ROBO1: variants seen among roughly 807,000 people sequenced by gnomAD.
The protein encoded by ROBO1 is roundabout homolog 1.
Under a neutral mutation model 195.9 loss-of-function variants are expected in ROBO1, and 149 were observed. The ratio of observed to expected loss-of-function variants is 0.76; its 90% confidence interval spans 0.67 to 0.87. The LOEUF (loss-of-function observed/expected upper bound fraction) is 0.87. ROBO1 is among the 40% of genes least tolerant of loss of function. The probability of loss-of-function intolerance (pLI) is 0.00; values close to 1 mark genes in which losing one functional copy is unlikely to be tolerated. For missense variants in ROBO1, 1,933 were observed against 2,068.3 expected, an observed-to-expected ratio of 0.93 and a Z score of 1.27; for synonymous variants, 816 against 733.2, an observed-to-expected ratio of 1.11 and a Z score of -1.82.
intron 2 of ROBO1, among the ~76,000 whole-genome samples, chr3:79,495,255 T>C (rs993036990): frequency 1.4e-4 from 22 of 152,130 alleles, no homozygotes; most frequent in Non-Finnish European, 1.2e-4. Context: ...CCTATCAGAA[T>C]TCTCCAGAGT....
At chr3:78,994,343 A>C (rs1303101003) in intron 3 of ROBO1, among the ~76,000 whole-genome samples, 1 of 152,150 alleles carries the variant, frequency 6.6e-6, no homozygotes, top group Non-Finnish European at 1.5e-5. Context: ...TTTTGGGGGA[A>C]GCTGGAGCTA....
rs1288732027 is a variant in ROBO1 at position 79,297,669 on chromosome 3, CA to C, written c.89-172131del. Among the ~76,000 whole-genome samples, 21 of 152,204 alleles carry C rather than the reference CA, an allele frequency of 1.4e-4. No individual in the cohort carries two copies. In the East Asian group the frequency reaches 3.9e-3, roughly 28 times the overall value. On this transcript the variant is annotated intron_variant, in intron 2 of 30. Transcript: ENST00000464233. Reference sequence around the variant, plus strand: ...ATGAAAAATGGATGCTTCGTGTAAACAAAATACCATTTCTCCAAACTGTAAA... The same window carrying C: ...ATGAAAAATGGATGCTTCGTGTAAACAAATACCATTTCTCCAAACTGTAAA...
At chr3:79,512,479 G>A (rs1940758946) in intron 2 of ROBO1, among the ~76,000 whole-genome samples, 1 of 152,096 alleles carries the variant, frequency 6.6e-6, no homozygotes, top group Non-Finnish European at 1.5e-5. Flanking sequence ...AACTCGTTAC[G>A]TGCTGTGCAA....
intron 2 of ROBO1, among the ~76,000 whole-genome samples, chr3:79,393,579 A>G (rs748873234): frequency 5.3e-5 from 8 of 152,172 alleles, no homozygotes; most frequent in Non-Finnish European, 1.2e-4. Flanking sequence ...ATTTTTGAGA[A>G]TGGGTGAAGA....
intron 5 of ROBO1, among the ~76,000 whole-genome samples, chr3:78,721,716 T>C (rs1164506422): frequency 6.6e-6 from 1 of 152,152 alleles, no homozygotes; most frequent in Non-Finnish European, 1.5e-5. Context: ...TAATAACATA[T>C]AAATAATTTG....
At chr3:78,810,712 C>T (rs2084711123) in intron 4 of ROBO1, among the ~76,000 whole-genome samples, 1 of 151,908 alleles carries the variant, frequency 6.6e-6, no homozygotes, top group Admixed American at 6.6e-5. Flanking sequence ...TTCACACTAT[C>T]CTAGTCAATT....
At chr3:78,701,199 T>C (rs1022881047) in intron 8 of ROBO1, among the ~76,000 whole-genome samples, 17 of 152,242 alleles carry the variant, frequency 1.1e-4, no homozygotes, top group African/African-American at 4.1e-4. Context: ...CTAAACAAAA[T>C]GACTTTTAAC....
rs544428213 is a variant in ROBO1 at position 78,830,142 on chromosome 3, CA to C, written c.500-83243del. 1.2e-3 allele frequency among the ~76,000 whole-genome samples: 185 copies of C among 152,254 alleles called. 1 individual carries two copies. Among genetic ancestry groups the C allele is most frequent in the African/African-American group, 4.3e-3 (180 of 41,558 alleles). On this transcript the variant is annotated intron_variant, in intron 4 of 30. Coordinates refer to ENST00000464233, the MANE Select transcript of ROBO1 (RefSeq NM_002941.4). Reference sequence around the variant, plus strand: ...GGCTAGAGACAAAAGCTCAGTCATGCAGCCAGTCTCGTTTTTCTTTCTATGT... The same window carrying C: ...GGCTAGAGACAAAAGCTCAGTCATGCGCCAGTCTCGTTTTTCTTTCTATGT...
chr3:79,040,283 T>C (rs748546550), intron 3 of ROBO1, among the ~76,000 whole-genome samples: 7 of 152,214 alleles, frequency 4.6e-5, no homozygotes, highest in African/African-American at 1.2e-4. Flanking sequence ...TAGTTCAAAA[T>C]GTGCTTTGTC....
intron 3 of ROBO1, among the ~76,000 whole-genome samples, chr3:79,089,114 A>T (rs1245274175): frequency 6.6e-6 from 1 of 152,168 alleles, no homozygotes; most frequent in Non-Finnish European, 1.5e-5. Flanking sequence ...TTAACAAAAG[A>T]AAATACATCT....
Position 79,325,551 on chromosome 3 carries a change from G to C in ROBO1, c.89-200012C>G, listed in dbSNP as rs545758171. On this transcript the variant is annotated intron_variant, in intron 2 of 30. Coordinates refer to ENST00000464233, the MANE Select transcript of ROBO1 (RefSeq NM_002941.4). ...GGAAGTCAGGGACCCCAAACGGAGG[G>C]ACCGGCTGAAGCCATGGCAGAAGAA... Among the ~76,000 whole-genome samples the C allele has an allele frequency of 2.0e-5, 3 of 152,316 alleles. No homozygotes were observed. The East Asian group carries it at 5.8e-4, about 29-fold the overall frequency.
chr3:78,962,736 A>C (rs1264573209), intron 3 of ROBO1, among the ~76,000 whole-genome samples: 3 of 142,154 alleles, frequency 2.1e-5, no homozygotes, highest in African/African-American at 7.8e-5. Context: ...AGGCAGGACA[A>C]TGGTGTGAAC....
intron 2 of ROBO1, among the ~76,000 whole-genome samples, chr3:79,420,145 G>T (rs1370330936): frequency 5.3e-5 from 8 of 152,028 alleles, no homozygotes; most frequent in East Asian, 1.9e-4. Flanking sequence ...ACCTGAACAG[G>T]TGTTTCAGAA....
chr3:79,299,022 A>G (rs1159946025), intron 2 of ROBO1, among the ~76,000 whole-genome samples: 3 of 152,164 alleles, frequency 2.0e-5, no homozygotes, highest in African/African-American at 7.2e-5. Flanking sequence ...TTCTATGTTT[A>G]AATCAAACAA....
At chr3:78,816,988 A>T (rs1352540279) in intron 4 of ROBO1, among the ~76,000 whole-genome samples, 3 of 152,096 alleles carry the variant, frequency 2.0e-5, no homozygotes, top group African/African-American at 4.8e-5. Flanking sequence ...GTATAATAAA[A>T]AAAATAAAAT....
intron 2 of ROBO1, among the ~76,000 whole-genome samples, chr3:79,485,506 T>C (rs908240007): frequency 1.3e-5 from 2 of 152,190 alleles, no homozygotes; most frequent in African/African-American, 2.4e-5. Context: ...CCTTTCCTAA[T>C]ACAAAATTTA....
chr3:79,307,312 A>G (rs1196539128), intron 2 of ROBO1, among the ~76,000 whole-genome samples: 3 of 152,142 alleles, frequency 2.0e-5, no homozygotes, highest in Admixed American at 6.5e-5. Context: ...TTTTAATGAA[A>G]TAAAAACCCT....
chr3:78,689,907 T>C (rs992155061), intron 8 of ROBO1, among the ~76,000 whole-genome samples: 33 of 151,828 alleles, frequency 2.2e-4, no homozygotes, highest in Admixed American at 2.1e-3. Flanking sequence ...ATAATTTCTT[T>C]GTTAATGAAG....
At chr3:79,298,770 T>A (rs1279961466) in intron 2 of ROBO1, among the ~76,000 whole-genome samples, 1 of 152,106 alleles carries the variant, frequency 6.6e-6, no homozygotes, top group East Asian at 1.9e-4. Flanking sequence ...TTATTTTTAA[T>A]AACTAGAAAA....
Sources: allele counts gnomAD v4.1 joint callset (sites outside exome capture counted in the v4.1 genomes callset), GRCh38; gene constraint gnomAD v4.1.1; transcripts MANE v1.5; gene names NCBI Gene and HGNC (gene_info 2026-07-23, HGNC 2026-07-21).